DCLK2: variants seen among roughly 807,000 people sequenced by gnomAD.
DCLK2 encodes the protein doublecortin like kinase 2, also known as serine/threonine-protein kinase DCLK2.
Under a neutral mutation model 78.4 loss-of-function variants are expected in DCLK2, and 31 were observed. The ratio of observed to expected loss-of-function variants is 0.40; its 90% confidence interval spans 0.30 to 0.53. DCLK2 has a LOEUF of 0.53. DCLK2 is among the 20% of genes least tolerant of loss of function. The pLI is 0.61. For missense variants in DCLK2, 872 were observed against 973.7 expected (o/e 0.90, Z 1.39); for synonymous variants, 407 against 374.9 (o/e 1.09, Z -0.99).
chr4:150,242,929 A>G (rs1453240110), intron 12 of DCLK2, among the ~76,000 whole-genome samples: 7 of 152,132 alleles, frequency 4.6e-5, no homozygotes, highest in Admixed American at 4.6e-4. Context: ...CAAGTGGAGA[A>G]GGGGAATGCA....
intron 1 of DCLK2, among the ~76,000 whole-genome samples, chr4:150,084,393 A>G (rs908893656): frequency 6.6e-6 from 1 of 152,226 alleles, no homozygotes; most frequent in Non-Finnish European, 1.5e-5. Flanking sequence ...AGATAAACGT[A>G]TAATTTTGGG....
At chr4:150,190,223 A>C (rs1738310151) in intron 2 of DCLK2, among the ~76,000 whole-genome samples, 1 of 121,366 alleles carries the variant, frequency 8.2e-6, no homozygotes, top group Non-Finnish European at 1.9e-5. Context: ...AGATAGATGG[A>C]TAGATGGATA....
intron 2 of DCLK2, among the ~76,000 whole-genome samples, chr4:150,118,936 AATC>A (rs1483448349): frequency 6.6e-6 from 1 of 152,098 alleles, no homozygotes; most frequent in Non-Finnish European, 1.5e-5. Flanking sequence ...GAGGCAGGAG[AATC>A]ACTTGAACCC....
chr4:150,082,477 G>C (rs1729372489), intron 1 of DCLK2, among the ~76,000 whole-genome samples: 1 of 152,094 alleles, frequency 6.6e-6, no homozygotes, highest in Non-Finnish European at 1.5e-5. Context: ...TTGACCTTGA[G>C]AGTCTCTGGA....
intron 1 of DCLK2, among the ~76,000 whole-genome samples, chr4:150,100,687 T>C (rs1730824711): frequency 6.6e-6 from 1 of 152,208 alleles, no homozygotes; most frequent in Non-Finnish European, 1.5e-5. Context: ...CAAAATTCTG[T>C]TTTGCCCATT....
intron 5 of DCLK2, among the ~76,000 whole-genome samples, chr4:150,211,037 A>G (rs1740273073): frequency 6.6e-6 from 1 of 152,146 alleles, no homozygotes. Context: ...TTTCACACAC[A>G]GTTTTTACGG....
At chr4:150,194,543 G>A (rs1738724270) in intron 3 of DCLK2, among the ~76,000 whole-genome samples, 1 of 152,036 alleles carries the variant, frequency 6.6e-6, no homozygotes, top group East Asian at 1.9e-4. Flanking sequence ...ATATGTTATT[G>A]GTCCTGGGAA....
At chr4:150,234,676 C>T (rs2126579467) in intron 10 of DCLK2, among the ~76,000 whole-genome samples, 1 of 151,786 alleles carries the variant, frequency 6.6e-6, no homozygotes, top group East Asian at 1.9e-4. Flanking sequence ...TTTTATCTCA[C>T]TGTCTTCTGC....
chr4:150,138,817 CACCAT>C (rs1470237879), intron 2 of DCLK2, among the ~76,000 whole-genome samples: 1 of 152,038 alleles, frequency 6.6e-6, no homozygotes, highest in Admixed American at 6.6e-5. Flanking sequence ...AGGCGCCTGC[CACCAT>C]GCCCAGCTAA....
chr4:150,208,032 A>G (rs916897269), intron 5 of DCLK2, among the ~76,000 whole-genome samples: 1 of 152,190 alleles, frequency 6.6e-6, no homozygotes, highest in African/African-American at 2.4e-5. Context: ...TTCCGGCTCA[A>G]CCGACTTGAT....
At chr4:150,214,080 A>G (rs1014149646) in intron 5 of DCLK2, among the ~76,000 whole-genome samples, 1 of 152,216 alleles carries the variant, frequency 6.6e-6, no homozygotes, top group African/African-American at 2.4e-5. Context: ...TCAGTAAACC[A>G]TGTGGGTGTC....
chr4:150,186,894 ATGTGTGTG>A (rs10683241), intron 2 of DCLK2, among the ~76,000 whole-genome samples: 128 of 147,592 alleles, frequency 8.7e-4, no homozygotes, highest in Admixed American at 2.7e-3. Flanking sequence ...CTATCTCAAA[ATGTGTGTG>A]TGTGTGTGTG....
chr4:150,166,221 A>G (rs995355634), intron 2 of DCLK2, among the ~76,000 whole-genome samples: 4 of 152,152 alleles, frequency 2.6e-5, no homozygotes, highest in Admixed American at 1.3e-4. Context: ...CAGGAATGGT[A>G]GCTCACACCT....
Position 150,256,079 on chromosome 4 carries a change from C to G in DCLK2, c.2133C>G (p.Gly711=), listed in dbSNP as rs766920847. 2.5e-6 allele frequency: 4 copies of G among 1,613,112 alleles called. No individual in the cohort carries two copies. The African/African-American group carries it at 4.0e-5, about 16-fold the overall frequency. ...GCAGCAAGCACTGTCAAGACAGCGG[C>G]AGGCCTGGGATGGAGCCCATCTCTC... ...IFCSKHCQDS[G]RPGMEPISPV... Residue 711 remains glycine (G), a synonymous_variant, in exon 16 of 16, where the codon GGC becomes GGG. Coordinates refer to ENST00000296550, the MANE Select transcript of DCLK2 (RefSeq NM_001040260.4).
intron 12 of DCLK2, 131 bp from the exon 13 acceptor site, chr4:150,247,472 A>C: frequency 1.5e-6 from 1 of 646,956 alleles, no homozygotes; most frequent in Non-Finnish European, 2.7e-6. Context: ...ATTGAGATAC[A>C]TAATTGAGAT....
chr4:150,094,994 T>G (rs1267745667), intron 1 of DCLK2, among the ~76,000 whole-genome samples: 2 of 152,226 alleles, frequency 1.3e-5, no homozygotes, highest in East Asian at 3.9e-4. Context: ...ACCTGATTTT[T>G]AAAGAAATTC....
chr4:150,147,247 A>G (rs1734545615), intron 2 of DCLK2, among the ~76,000 whole-genome samples: 1 of 152,180 alleles, frequency 6.6e-6, no homozygotes. Flanking sequence ...ACAGTGAGCT[A>G]TGATCATGCC....
Position 150,079,330 on chromosome 4 carries a change from G to T in DCLK2, c.303G>T (p.Ala101=). The part of the protein sequence containing the change: ...ISSDRFRSFD[A]LLIELTRSLS... ...GCGACCGCTTCCGGTCCTTCGATGC[G>T]CTCCTCATAGAGCTCACCCGCTCCC... Residue 101 remains alanine (A), a synonymous_variant, in exon 1 of 16, where the codon GCG becomes GCT. Transcript: ENST00000296550. 1 of 1,588,690 alleles carries T rather than the reference G, an allele frequency of 6.3e-7. No homozygotes were observed. Among genetic ancestry groups the T allele is most frequent in the Non-Finnish European group, 8.6e-7 (1 of 1,167,688 alleles).
chr4:150,198,594 A>G (rs1484729127), intron 4 of DCLK2, among the ~76,000 whole-genome samples: 1 of 152,194 alleles, frequency 6.6e-6, no homozygotes, highest in African/African-American at 2.4e-5. Context: ...CTTATTTAAG[A>G]GTCAAACAGT....
Sources: gnomAD v4.1 joint callset for allele counts (sites outside exome capture counted in the v4.1 genomes callset) on GRCh38, gnomAD v4.1.1 for gene constraint, MANE v1.5 for transcripts, NCBI Gene and HGNC (gene_info 2026-07-23, HGNC 2026-07-21) for gene names.